The following PTGES3 variants were observed in gnomAD, a reference collection of about 807,000 sequenced individuals.
PTGES3 encodes Hsp90 co-chaperone.
A neutral mutation model predicts 29.9 loss-of-function variants in PTGES3; 5 were observed. The observed-to-expected ratio is 0.17, with a 90% confidence interval of 0.09 to 0.35. The LOEUF (loss-of-function observed/expected upper bound fraction) is 0.35. Among genes scored for constraint, PTGES3 ranks in the 10% least tolerant of loss-of-function variants. The pLI is 1.00. For synonymous variants in PTGES3, 49 were observed against 57.8 expected, an observed-to-expected ratio of 0.85 and a Z score of 0.69; for missense variants, 128 against 190.0, an observed-to-expected ratio of 0.67 and a Z score of 1.92.
At chr12:56,674,251 AAAG>A (rs764512111) in intron 1 of PTGES3, among the ~76,000 whole-genome samples, 66 of 152,306 alleles carry the variant, frequency 4.3e-4, no homozygotes, top group Non-Finnish European at 7.9e-4. Context: ...CAGAGGGAAG[AAAG>A]AAGATAGCTA....
chr12:56,676,070 T>C (rs1215085962), intron 1 of PTGES3, among the ~76,000 whole-genome samples: 10 of 144,652 alleles, frequency 6.9e-5, no homozygotes, highest in African/African-American at 7.8e-5. Context: ...CTACTAAAAA[T>C]ACAAAATTAG....
chr12:56,679,495 T>C (rs928571445), intron 1 of PTGES3, among the ~76,000 whole-genome samples: 2 of 151,870 alleles, frequency 1.3e-5, no homozygotes, highest in Admixed American at 1.3e-4. Context: ...TTACATAATG[T>C]ATGCAGAGGT....
At chr12:56,677,251 A>C (rs1952299853) in intron 1 of PTGES3, among the ~76,000 whole-genome samples, 1 of 150,432 alleles carries the variant, frequency 6.6e-6, no homozygotes, top group African/African-American at 2.4e-5. Context: ...CACCACCCAA[A>C]AAAAAAAAAA....
chr12:56,675,208 G>A (rs2137648087), intron 1 of PTGES3, among the ~76,000 whole-genome samples: 1 of 151,806 alleles, frequency 6.6e-6, no homozygotes, highest in South Asian at 2.1e-4. Context: ...ACTGAGCCAG[G>A]CCAATCAGTT....
rs10579382 is a variant in PTGES3 at position 56,686,880 on chromosome 12, CAT to C, written c.2+1116_2+1117del. On this transcript the variant is annotated intron_variant, in intron 1 of 7. Transcript: ENST00000262033. ...CAAATCCTTATTACTTTTCCAAAGA[CAT>C]AAAGTCACTCCCCTCTTCTCTCTTC... 0.61 allele frequency: 243,443 copies of C among 397,158 alleles called. 77,071 individuals are homozygous for C. Among genetic ancestry groups the C allele is most frequent in the South Asian group, 0.76 (5,919 of 7,830 alleles). 24.6% of individuals were successfully genotyped at this position (397,158 alleles called of 1,614,324 possible). A position where few individuals can be genotyped will look rare whatever the true frequency, so the allele number is the denominator to read the frequency against.
chr12:56,687,620 A>G, intron 1 of PTGES3: 1 of 1,121,664 alleles, frequency 8.9e-7, no homozygotes, highest in South Asian at 2.6e-5. Flanking sequence ...ACAGAACCGG[A>G]GCGCCCAAGC....
At chr12:56,666,413 AG>A (rs1951788570) in intron 5 of PTGES3, 147 bp from the exon 6 acceptor site, 2 of 1,070,196 alleles carry the variant, frequency 1.9e-6, no homozygotes, top group Non-Finnish European at 2.5e-6. Context: ...CTTCTGGAAA[AG>A]GAAGATTATA....
Position 56,680,386 on chromosome 12 carries a change from CT to C in PTGES3, c.3-7322del, listed in dbSNP as rs1171435554. On this transcript the variant is annotated intron_variant, in intron 1 of 7. Transcript: ENST00000262033. ...CACTGCACCCAACCCAATTTTCTTT[CT>C]TTTTTTTTTTTTGGGGGGACAGAGT... Among the ~76,000 whole-genome samples the C allele has an allele frequency of 4.1e-3, 589 of 143,174 alleles. 2 individuals are homozygous for C. The highest frequency in any genetic ancestry group is 7.6e-3 in the African/African-American group (293 of 38,744). The allele number at this position is 143,174 out of a possible 152,430, so 93.9% of individuals were successfully genotyped here.
At chr12:56,687,020 A>AC (rs1022463409) in intron 1 of PTGES3, 13 of 391,300 alleles carry the variant, frequency 3.3e-5, no homozygotes, top group African/African-American at 2.3e-4. Flanking sequence ...AAAAAAAAAA[A>AC]AAAAAAAAAA....
intron 1 of PTGES3, among the ~76,000 whole-genome samples, chr12:56,674,982 C>A (rs1379532214): frequency 3.1e-5 from 3 of 97,964 alleles, no homozygotes; most frequent in Non-Finnish European, 5.6e-5. Flanking sequence ...CCAGCCTGGG[C>A]AACAAGAGTG....
At chr12:56,686,598 A>T (rs544094743) in intron 1 of PTGES3, among the ~76,000 whole-genome samples, 16 of 151,928 alleles carry the variant, frequency 1.1e-4, no homozygotes, top group African/African-American at 3.1e-4. Context: ...TCTGGTCTCG[A>T]ACTCCCGACC....
At chr12:56,687,005 C>CA (rs11297744) in intron 1 of PTGES3, 8,673 of 86,304 alleles carry the variant, frequency 0.1, 405 homozygotes, top group African/African-American at 0.16. Context: ...AACCTCCCGT[C>CA]AAAAAAAAAA....
At chr12:56,681,232 G>C (rs1195050261) in intron 1 of PTGES3, among the ~76,000 whole-genome samples, 3 of 151,766 alleles carry the variant, frequency 2.0e-5, no homozygotes, top group Non-Finnish European at 4.4e-5. Context: ...AATTAGTGCT[G>C]TGTAAATGGG....
At chr12:56,679,454 GTTTA>G (rs1236212219) in intron 1 of PTGES3, among the ~76,000 whole-genome samples, 1 of 151,574 alleles carries the variant, frequency 6.6e-6, no homozygotes, top group African/African-American at 2.4e-5. Context: ...CGCCTGTGGG[GTTTA>G]TTGTTGTTTT....
intron 1 of PTGES3, chr12:56,687,118 A>G (rs1952910484): frequency 3.7e-6 from 3 of 802,250 alleles, no homozygotes; most frequent in African/African-American, 3.6e-5. Flanking sequence ...TTATCATCGT[A>G]AAATGAAGAC....
Position 56,671,745 on chromosome 12 carries a change from C to A in PTGES3, c.285+4G>T. On this transcript the variant is annotated splice_donor_region_variant and intron_variant, in intron 4 of 7. Coordinates refer to ENST00000262033, the MANE Select transcript of PTGES3 (RefSeq NM_006601.7). ...ACTTTTCAAAAAAGGAAAATGAAACCTACCTTTGCCCTTTCTTTTGTTAAC... is the reference window on the plus strand; with the variant it reads ...ACTTTTCAAAAAAGGAAAATGAAACATACCTTTGCCCTTTCTTTTGTTAAC... 6.7e-7 allele frequency: 1 copy of A among 1,497,196 alleles called. No individual in the cohort carries two copies. The allele number at this position is 1,497,196 out of a possible 1,614,324, so 92.7% of individuals were successfully genotyped here. A position where few individuals can be genotyped will look rare whatever the true frequency, so the allele number is the denominator to read the frequency against.
rs553866660 is a variant in PTGES3 at position 56,674,117 on chromosome 12, C to T, written c.3-1052G>A. Reference sequence around the variant, plus strand: ...AAAATTAATACATTGAAGTCCTAACCCCCAGTACATCTTAAGAATGGGATT... The same window carrying T: ...AAAATTAATACATTGAAGTCCTAACTCCCAGTACATCTTAAGAATGGGATT... On this transcript the variant is annotated intron_variant, in intron 1 of 7. Transcript: ENST00000262033. Among the ~76,000 whole-genome samples the T allele has an allele frequency of 2.6e-5, 4 of 152,126 alleles. No homozygotes were observed. The South Asian group carries it at 8.3e-4, about 31-fold the overall frequency.
intron 1 of PTGES3, chr12:56,686,888 C>A (rs2137752938): frequency 2.5e-6 from 1 of 395,682 alleles, no homozygotes; most frequent in Middle Eastern, 6.3e-4. Context: ...GACATAAAGT[C>A]ACTCCCCTCT....
At chr12:56,668,531 G>C (rs1225955306) in intron 5 of PTGES3, among the ~76,000 whole-genome samples, 1 of 152,200 alleles carries the variant, frequency 6.6e-6, no homozygotes, top group South Asian at 2.1e-4. Context: ...TTGAGCTCAG[G>C]AGTTCAAGAC....
Sources: allele counts gnomAD v4.1 joint callset (sites outside exome capture counted in the v4.1 genomes callset), GRCh38; gene constraint gnomAD v4.1.1; transcripts MANE v1.5; gene names NCBI Gene and HGNC (gene_info 2026-07-23, HGNC 2026-07-21).